Variants in OR5B3 observed in about 807,000 individuals in gnomAD.
OR5B3 encodes the protein olfactory receptor 5B3.
For missense variants in OR5B3, 430 were observed against 375.4 expected (o/e 1.15, Z -1.20); for synonymous variants, 150 against 135.0 (o/e 1.11, Z -0.77).
In OR5B3 at chr11:58,403,435, G is replaced by C; in HGVS notation, c.-26C>G. On this transcript the variant is annotated splice_region_variant and 5_prime_UTR_variant, in exon 2 of 2. Transcript: ENST00000641865. ...CACTGCTCTGGGGGACTCACAGGATGCTTGTAGCAATACAAAAAAGAACAG... is the reference window on the plus strand; with the variant it reads ...CACTGCTCTGGGGGACTCACAGGATCCTTGTAGCAATACAAAAAAGAACAG... 1 of 1,284,496 alleles carries C rather than the reference G, an allele frequency of 7.8e-7. No individual in the cohort carries two copies. The highest frequency in any genetic ancestry group is 1.5e-5 in the South Asian group (1 of 68,252). The allele number at this position is 1,284,496 out of a possible 1,614,324, so 79.6% of individuals were successfully genotyped here.
Position 58,403,442 on chromosome 11 carries a change from G to A in OR5B3, c.-26-7C>T, listed in dbSNP as rs1027936642. On this transcript the variant is annotated splice_region_variant and splice_polypyrimidine_tract_variant and intron_variant, in intron 1 of 1. Transcript: ENST00000641865. ...CTGGGGGACTCACAGGATGCTTGTA[G>A]CAATACAAAAAAGAACAGTGTGATA... The A allele has an allele frequency of 4.1e-6, 5 of 1,213,060 alleles. No homozygotes were observed. In the African/African-American group the frequency reaches 4.6e-5, roughly 11 times the overall value. 75.1% of individuals were successfully genotyped at this position (1,213,060 alleles called of 1,614,324 possible). A position where few individuals can be genotyped will look rare whatever the true frequency, so the allele number is the denominator to read the frequency against.
Position 58,402,486 on chromosome 11 carries a change from C to G in OR5B3, c.924G>C (p.Leu308Phe). The G allele has an allele frequency of 6.2e-7, 1 of 1,607,906 alleles. No homozygotes were observed. The highest frequency in any genetic ancestry group is 1.1e-5 in the South Asian group (1 of 90,954). The change falls in exon 2 of 2, where the codon TTG (leucine) becomes TTC (phenylalanine). Residue 308 changes from leucine (L) to phenylalanine (F), a missense_variant. By Grantham distance (22) the Leu-to-Phe change is conservative. Transcript: ENST00000641865. Reference sequence around the variant, plus strand: ...AATGTTAAACTGACCATCCTACAGACAATTTTGCCTTCTCAACAACTTTCT... The same window carrying G: ...AATGTTAAACTGACCATCCTACAGAGAATTTTGCCTTCTCAACAACTTTCT... ...AFKKVVEKAK[L>F]SVGWSV
Position 58,402,530 on chromosome 11 carries a change from C to T in OR5B3, c.880G>A (p.Glu294Lys). 3 of 1,613,650 alleles carry T rather than the reference C, an allele frequency of 1.9e-6. No homozygotes were observed. Among genetic ancestry groups the T allele is most frequent in the Admixed American group, 3.3e-5 (2 of 59,992 alleles). ...ACTTTCTTGAATGCACTCTTCACTT[C>T]CTTGTTCCTCAGACTATAGACCAGA... ...NPLVYSLRNK[E>K]VKSAFKKVVE... Residue 294 changes from glutamate to lysine, a missense_variant, in exon 2 of 2, where the codon GAA (glutamate) becomes AAA (lysine). By Grantham distance (56) the Glu-to-Lys change is moderately conservative (BLOSUM62 1). Coordinates refer to ENST00000641865, the MANE Select transcript of OR5B3 (RefSeq NM_001005469.2).
chr11:58,404,991 C>A (rs560509033), intron 1 of OR5B3, among the ~76,000 whole-genome samples: 16 of 152,160 alleles, frequency 1.1e-4, no homozygotes, highest in Admixed American at 2.6e-4. Flanking sequence ...GAGTATGGAT[C>A]CTGTCACCCT....
Position 58,403,030 on chromosome 11 carries a change from G to A in OR5B3, c.380C>T (p.Pro127Leu), listed in dbSNP as rs1298042020. The change falls in exon 2 of 2, where the codon CCC becomes CTC. Residue 127 changes from proline to leucine, a missense_variant. By Grantham distance (98) the Pro-to-Leu change is moderately conservative. Transcript: ENST00000641865. Reference sequence around the variant, plus strand: ...TGTCATGGTTGTGGTGTAATGTAGGGGTTTGCACACTGCTGCATAGCGGTC... The same window carrying A: ...TGTCATGGTTGTGGTGTAATGTAGGAGTTTGCACACTGCTGCATAGCGGTC... Reference protein sequence around the residue: ...AYDRYAAVCKPLHYTTTMTTT... With the variant: ...AYDRYAAVCKLLHYTTTMTTT... 1.9e-6 allele frequency: 3 copies of A among 1,613,946 alleles called. No individual in the cohort carries two copies. Among genetic ancestry groups the A allele is most frequent in the South Asian group, 2.2e-5 (2 of 91,094 alleles).
In OR5B3 at chr11:58,403,149, G is replaced by A. The variant is rs1244050076; in HGVS notation, c.261C>T (p.Asp87=). 1.9e-6 allele frequency: 3 copies of A among 1,613,980 alleles called. No homozygotes were observed. In the Admixed American group the frequency reaches 5.0e-5, roughly 27 times the overall value. Residue 87 remains aspartate, a synonymous_variant, in exon 2 of 2, where the codon GAC becomes GAT. Transcript: ENST00000641865. ...PIVMAGFLIE[D]KVISYNACAA... is the part of the protein sequence containing the mutation. Reference sequence around the variant, plus strand: ...CACATGCATTGTAAGAGATGACCTTGTCTTCTATAAGGAATCCAGCCATGA... The same window carrying A: ...CACATGCATTGTAAGAGATGACCTTATCTTCTATAAGGAATCCAGCCATGA...
chr11:58,403,498 G>A (rs894716892), intron 1 of OR5B3, 63 bp from the exon 2 acceptor site: 2 of 713,606 alleles, frequency 2.8e-6, no homozygotes, highest in Non-Finnish European at 4.6e-6. Context: ...AAAAGTATAA[G>A]TACAATATGT....
chr11:58,402,800 T>A lies in OR5B3; in HGVS notation c.610A>T (p.Asn204Tyr), dbSNP rs1855047718. 1 of 1,613,722 alleles carries A rather than the reference T, an allele frequency of 6.2e-7. No individual in the cohort carries two copies. The highest frequency in any genetic ancestry group is 1.3e-5 in the African/African-American group (1 of 74,894). The part of the protein sequence containing the change: ...ELVLIYVVSF[N>Y]IFIALLVILI... ...ATAACCAGGAGAGCTATAAAGATAT[T>A]GAAGCTCACAACATAAATAAGAACA... Residue 204 changes from asparagine to tyrosine, a missense_variant, in exon 2 of 2, where the codon AAT becomes TAT. By Grantham distance (143) the Asn-to-Tyr change is moderately radical. Transcript: ENST00000641865.
chr11:58,402,692 C>G lies in OR5B3; in HGVS notation c.718G>C (p.Ala240Pro). 6.2e-7 allele frequency: 1 copy of G among 1,613,824 alleles called. No individual in the cohort carries two copies. The highest frequency in any genetic ancestry group is 8.5e-7 in the Non-Finnish European group (1 of 1,179,888). ...ATGCCGACTGCAATGAAATGAGAGG[C>G]ACAGGTGGACAAAGGCTTCTGGTAT... Reference protein sequence around the residue: ...SVYQKPLSTCASHFIAVGIFY... With the variant: ...SVYQKPLSTCPSHFIAVGIFY... The change falls in exon 2 of 2, where the codon GCC becomes CCC. Residue 240 changes from alanine to proline, a missense_variant. By Grantham distance (27) the Ala-to-Pro change is conservative. Transcript: ENST00000641865.
chr11:58,402,918 G>C lies in OR5B3; in HGVS notation c.492C>G (p.Leu164=), dbSNP rs1260543103. Residue 164 remains leucine, a synonymous_variant, in exon 2 of 2, where the codon CTC becomes CTG. Transcript: ENST00000641865. ...ASIHTGDTFS[L]SFCKSNEVHH... is the part of the protein sequence containing the mutation. ...GGACTTCATTGGACTTACAGAAAGA[G>C]AGACTAAATGTGTCCCCAGTGTGGA... The C allele has an allele frequency of 6.2e-7, 1 of 1,613,980 alleles. No homozygotes were observed. The highest frequency in any genetic ancestry group is 1.7e-5 in the Admixed American group (1 of 60,004).
At chr11:58,405,372 A>G (rs1248849140) in intron 1 of OR5B3, among the ~76,000 whole-genome samples, 1 of 152,212 alleles carries the variant, frequency 6.6e-6, no homozygotes, top group Non-Finnish European at 1.5e-5. Context: ...GATAGACTGG[A>G]TAAAGAAAAT....
rs1292870450 is a variant in OR5B3, at chr11:58,403,129, G to T, written c.281C>A (p.Ala94Glu). The T allele has an allele frequency of 1.9e-6, 3 of 1,613,988 alleles. No homozygotes were observed. The highest frequency in any genetic ancestry group is 2.2e-5 in the South Asian group (2 of 91,086). ...AAAGATATACATTTGAGCAGCACATGCATTGTAAGAGATGACCTTGTCTTC... is the reference window on the plus strand; with the variant it reads ...AAAGATATACATTTGAGCAGCACATTCATTGTAAGAGATGACCTTGTCTTC... ...LIEDKVISYN[A>E]CAAQMYIFVA... Residue 94 changes from alanine to glutamate, a missense_variant, in exon 2 of 2, where the codon GCA becomes GAA. By Grantham distance (107) the Ala-to-Glu change is moderately radical. Transcript: ENST00000641865.
At position 58,402,590 on chromosome 11, in the gene OR5B3, C is replaced by T. The variant is rs2119887974; in HGVS notation, c.820G>A (p.Val274Met). 6.2e-7 allele frequency: 1 copy of T among 1,613,450 alleles called. No homozygotes were observed. Among genetic ancestry groups the T allele is most frequent in the Non-Finnish European group, 8.5e-7 (1 of 1,179,464 alleles). ...ATGGGGATGACCATTGTATAGAACA[C>T]AGGTGCCATTTTGTCTGTGTCCATG... is the stretch of plus-strand genomic sequence containing the variant. ...HSMDTDKMAP[V>M]FYTMVIPMLN... Residue 274 changes from valine to methionine, a missense_variant, in exon 2 of 2, where the codon GTG (valine) becomes ATG (methionine). By Grantham distance (21) the Val-to-Met change is conservative (BLOSUM62 1). Coordinates refer to ENST00000641865, the MANE Select transcript of OR5B3 (RefSeq NM_001005469.2).
chr11:58,404,471 G>T (rs112043974), intron 1 of OR5B3, among the ~76,000 whole-genome samples: 330 of 151,430 alleles, frequency 2.2e-3, no homozygotes, highest in Non-Finnish European at 4.0e-3. Context: ...GGTGGATGGT[G>T]ACAAGCAGGG....
chr11:58,403,357 T>A lies in OR5B3; in HGVS notation c.53A>T (p.Asp18Val). Reference protein sequence around the residue: ...TQFILLGLTNDSELQVPLFIT... With the variant: ...TQFILLGLTNVSELQVPLFIT... ...AAAGAGGGGAACCTGCAGTTCTGAGTCATTGGTTAGTCCTAGAAGAATGAA... is the reference window on the plus strand; with the variant it reads ...AAAGAGGGGAACCTGCAGTTCTGAGACATTGGTTAGTCCTAGAAGAATGAA... Residue 18 changes from aspartate (D) to valine (V), a missense_variant, in exon 2 of 2, where the codon GAC becomes GTC. Physicochemically the swap from Asp to Val is radical, Grantham distance 152. Coordinates refer to ENST00000641865, the MANE Select transcript of OR5B3 (RefSeq NM_001005469.2). 6.2e-7 allele frequency: 1 copy of A among 1,610,836 alleles called. No homozygotes were observed. Among genetic ancestry groups the A allele is most frequent in the Non-Finnish European group, 8.5e-7 (1 of 1,178,262 alleles).
At position 58,402,843 on chromosome 11, in the gene OR5B3, A is replaced by G. The variant is rs755150866; in HGVS notation, c.567T>C (p.Asp189=). ...TAAGAACAAGCTCGCTAATATGTCTATCAGAGCAAGAGAGAACCATGACTG... is the reference window on the plus strand; with the variant it reads ...TAAGAACAAGCTCGCTAATATGTCTGTCAGAGCAAGAGAGAACCATGACTG... The part of the protein sequence containing the change: ...IPAVMVLSCS[D]RHISELVLIY... Residue 189 remains aspartate (D), a synonymous_variant, in exon 2 of 2, where the codon GAT becomes GAC. Coordinates refer to ENST00000641865, the MANE Select transcript of OR5B3 (RefSeq NM_001005469.2). 4 of 1,613,990 alleles carry G rather than the reference A, an allele frequency of 2.5e-6. No individual in the cohort carries two copies. Among genetic ancestry groups the G allele is most frequent in the Admixed American group, 1.7e-5 (1 of 59,986 alleles).
chr11:58,402,551 C>CAGA lies in OR5B3; in HGVS notation c.858_859insTCT (p.Leu286_Val287insSer), dbSNP rs761841232. 1.2e-6 allele frequency: 2 copies of CAGA among 1,613,536 alleles called. No individual in the cohort carries two copies. Among genetic ancestry groups the CAGA allele is most frequent in the Non-Finnish European group, 8.5e-7 (1 of 1,179,526 alleles). On this transcript the variant is annotated inframe_insertion, in exon 2 of 2. Coordinates refer to ENST00000641865, the MANE Select transcript of OR5B3 (RefSeq NM_001005469.2). Reference sequence around the variant, plus strand: ...ACTTCCTTGTTCCTCAGACTATAGACCAGAGGGTTCAGCATGGGGATGACC... The same window carrying CAGA: ...ACTTCCTTGTTCCTCAGACTATAGACAGACAGAGGGTTCAGCATGGGGATGACC...
At chr11:58,405,359 A>G (rs984578350) in intron 1 of OR5B3, among the ~76,000 whole-genome samples, 2 of 152,206 alleles carry the variant, frequency 1.3e-5, no homozygotes, top group Non-Finnish European at 2.9e-5. Flanking sequence ...AATGCCCATC[A>G]ATGATAGACT....
Position 58,402,632 on chromosome 11 carries a change from G to C in OR5B3, c.778C>G (p.Pro260Ala), listed in dbSNP as rs1431044072. ...YGTIIFMYLQ[P>A]SSSHSMDTDK... is the part of the protein sequence containing the mutation. ...GTGTCCATGGAGTGACTGGAGCTGGGTTGTAAGTACATGAAGATAATAGTC... is the reference window on the plus strand; with the variant it reads ...GTGTCCATGGAGTGACTGGAGCTGGCTTGTAAGTACATGAAGATAATAGTC... Residue 260 changes from proline to alanine, a missense_variant, in exon 2 of 2, where the codon CCC becomes GCC. Coordinates refer to ENST00000641865, the MANE Select transcript of OR5B3 (RefSeq NM_001005469.2). 6.2e-7 allele frequency: 1 copy of C among 1,613,988 alleles called. No homozygotes were observed. Among genetic ancestry groups the C allele is most frequent in the South Asian group, 1.1e-5 (1 of 91,074 alleles).
Sources: allele counts gnomAD v4.1 joint callset (sites outside exome capture counted in the v4.1 genomes callset), GRCh38; gene constraint gnomAD v4.1.1; transcripts MANE v1.5; gene names NCBI Gene and HGNC (gene_info 2026-07-23, HGNC 2026-07-21).